Variants in ADAMTS2 observed in about 807,000 individuals in gnomAD.
The protein encoded by ADAMTS2 is A disintegrin and metalloproteinase with thrombospondin motifs 2.
Under a neutral mutation model 123.0 loss-of-function variants are expected in ADAMTS2, and 50 were observed. That is an observed-to-expected ratio of 0.41 (90% CI 0.32 to 0.51). The LOEUF (loss-of-function observed/expected upper bound fraction) is 0.51, where lower values mean the gene tolerates loss of function less well. Among genes scored for constraint, ADAMTS2 ranks in the 20% least tolerant of loss-of-function variants. The pLI, the probability that ADAMTS2 is intolerant of heterozygous loss-of-function variation, is 0.35. For missense variants in ADAMTS2, 1,494 were observed against 1,705.2 expected, an observed-to-expected ratio of 0.88 and a Z score of 2.18; for synonymous variants, 678 against 695.4, an observed-to-expected ratio of 0.98 and a Z score of 0.39.
chr5:179,210,956 C>T (rs990420647), intron 3 of ADAMTS2, among the ~76,000 whole-genome samples: 4 of 152,262 alleles, frequency 2.6e-5, no homozygotes, highest in African/African-American at 4.8e-5. Context: ...CTGGCCCTTG[C>T]AGACCTGTTC....
rs960616401 is a variant in ADAMTS2 at position 179,189,637 on chromosome 5, G to A, written c.892-8482C>T. Reference sequence around the variant, plus strand: ...CTCCCAAAGTGCTGGGATTACAGGCGTGAGCCACCGCGCCCGGCCAGGAGC... The same window carrying A: ...CTCCCAAAGTGCTGGGATTACAGGCATGAGCCACCGCGCCCGGCCAGGAGC... On this transcript the variant is annotated intron_variant, in intron 4 of 21. Coordinates refer to ENST00000251582, the MANE Select transcript of ADAMTS2 (RefSeq NM_014244.5). This position sits in a 1 kb window ranked among gnomAD's most constrained non-coding sequence, Gnocchi z 4.2. Among the ~76,000 whole-genome samples, 14 of 150,360 alleles carry A rather than the reference G, an allele frequency of 9.3e-5. No homozygotes were observed. The highest frequency in any genetic ancestry group is 1.9e-4 in the Non-Finnish European group (13 of 67,752).
intron 9 of ADAMTS2, among the ~76,000 whole-genome samples, 161 bp from the exon 10 acceptor site, chr5:179,152,416 C>G (rs542653447): frequency 6.6e-6 from 1 of 152,186 alleles, no homozygotes; most frequent in Non-Finnish European, 1.5e-5. Flanking sequence ...TGGTGAAGAC[C>G]TTGCCCATAC....
intron 3 of ADAMTS2, among the ~76,000 whole-genome samples, chr5:179,254,347 G>A (rs1765995166): frequency 6.6e-6 from 1 of 152,128 alleles, no homozygotes; most frequent in Non-Finnish European, 1.5e-5. Flanking sequence ...CAAATCCAAA[G>A]ACACAGGGAG....
rs181870380 is a variant in ADAMTS2, at chr5:179,278,819, G to T, written c.535-5755C>A. On this transcript the variant is annotated intron_variant, in intron 2 of 21. Coordinates refer to ENST00000251582, the MANE Select transcript of ADAMTS2 (RefSeq NM_014244.5). ...TCAAGTTGCCGGCATTCAGATCCTG[G>T]TGAGTTACACAACGCCTGCCCTGCC... Among the ~76,000 whole-genome samples the T allele has an allele frequency of 9.1e-4, 138 of 151,944 alleles. 1 individual carries two copies. Among genetic ancestry groups the T allele is most frequent in the Admixed American group, 2.4e-3 (36 of 15,258 alleles).
chr5:179,145,914 G>A (rs1429687242), intron 10 of ADAMTS2, among the ~76,000 whole-genome samples: 1 of 152,174 alleles, frequency 6.6e-6, no homozygotes, highest in Non-Finnish European at 1.5e-5. Flanking sequence ...GCGAAGTGGC[G>A]AGATCTCGGC....
At chr5:179,316,136 G>C (rs1234397901) in intron 2 of ADAMTS2, among the ~76,000 whole-genome samples, 2 of 152,198 alleles carry the variant, frequency 1.3e-5, no homozygotes, top group Non-Finnish European at 2.9e-5. Flanking sequence ...CAGGGAGGCA[G>C]CAGGCAGACA....
At chr5:179,252,070 C>T (rs1765940403) in intron 3 of ADAMTS2, among the ~76,000 whole-genome samples, 1 of 147,340 alleles carries the variant, frequency 6.8e-6, no homozygotes, top group Non-Finnish European at 1.5e-5. Context: ...TGCAGTGGTG[C>T]ACTCTCAGCT....
Position 179,112,826 on chromosome 5 carries a change from C to G in ADAMTS2, c.*1041G>C, listed in dbSNP as rs1168865240. ...AGAGGCTCTCTGGGGAGCCCTGGAG[C>G]CAAGGTGGCCAGGGAAGAATGCAGG... On this transcript the variant is annotated 3_prime_UTR_variant, in exon 22 of 22. Coordinates refer to ENST00000251582, the MANE Select transcript of ADAMTS2 (RefSeq NM_014244.5). 1 of 152,210 alleles carries G rather than the reference C, an allele frequency of 6.6e-6. No homozygotes were observed. Among genetic ancestry groups the G allele is most frequent in the East Asian group, 1.9e-4 (1 of 5,184 alleles). 9.4% of individuals were successfully genotyped at this position (152,210 alleles called of 1,614,324 possible).
At chr5:179,291,890 C>T (rs981031676) in intron 2 of ADAMTS2, among the ~76,000 whole-genome samples, 1 of 149,236 alleles carries the variant, frequency 6.7e-6, no homozygotes, top group African/African-American at 2.5e-5. Flanking sequence ...ACGTGTGCCA[C>T]AACAGCTAGC....
rs200678589 is a variant in ADAMTS2, at chr5:179,256,641, TG to T, written c.688+16269del. 6.5e-3 allele frequency among the ~76,000 whole-genome samples: 985 copies of T among 151,010 alleles called. 13 individuals are homozygous for T. Among genetic ancestry groups the T allele is most frequent in the African/African-American group, 0.021 (850 of 41,112 alleles). On this transcript the variant is annotated intron_variant, in intron 3 of 21. Coordinates refer to ENST00000251582, the MANE Select transcript of ADAMTS2 (RefSeq NM_014244.5). The surrounding 1 kb of genome is among the most constrained non-coding windows in gnomAD (Gnocchi z 4.1). ...ACCAGGCAGGCGGGGCCAGCATGAG[TG>T]GGGGGGCCAGGCACGAATCGGCAGG...
rs2127463854 is a variant in ADAMTS2, at chr5:179,345,218, G to A, written c.111C>T (p.Ala37=). The A allele has an allele frequency of 6.2e-6, 7 of 1,121,976 alleles. No individual in the cohort carries two copies. The highest frequency in any genetic ancestry group is 7.6e-6 in the Non-Finnish European group (7 of 921,038). The allele number at this position is 1,121,976 out of a possible 1,614,324, so 69.5% of individuals were successfully genotyped here. ...GGGGGTCGGCGGCGGCGGCGAGCCTGGCGTTCGCGGGCGGCGGCGGCGGCG... is the reference window on the plus strand; with the variant it reads ...GGGGGTCGGCGGCGGCGGCGAGCCTAGCGTTCGCGGGCGGCGGCGGCGGCG... ...LLPPPPPPAN[A]RLAAAADPPG... Residue 37 remains alanine (A), a synonymous_variant, in exon 1 of 22, where the codon GCC becomes GCT. Coordinates refer to ENST00000251582, the MANE Select transcript of ADAMTS2 (RefSeq NM_014244.5). The surrounding 1 kb of genome is among the most constrained non-coding windows in gnomAD (Gnocchi z 7.5).
At chr5:179,207,921 C>T (rs1581190645) in intron 3 of ADAMTS2, among the ~76,000 whole-genome samples, 2 of 152,292 alleles carry the variant, frequency 1.3e-5, no homozygotes, top group Admixed American at 1.3e-4. Flanking sequence ...CCCAGACAGG[C>T]ACCTCTGTGA....
At chr5:179,232,831 ATTC>A (rs1238602222) in intron 3 of ADAMTS2, among the ~76,000 whole-genome samples, 1 of 151,290 alleles carries the variant, frequency 6.6e-6, no homozygotes, top group Non-Finnish European at 1.5e-5. Flanking sequence ...GTTTGTATAC[ATTC>A]TTCTTCTGTT....
intron 2 of ADAMTS2, among the ~76,000 whole-genome samples, chr5:179,306,803 A>T (rs917577254): frequency 3.9e-5 from 6 of 152,212 alleles, no homozygotes; most frequent in Non-Finnish European, 8.8e-5. Context: ...AGCCAGGCAG[A>T]TGAACTCAAC....
intron 3 of ADAMTS2, among the ~76,000 whole-genome samples, chr5:179,267,497 C>T (rs1766406356): frequency 1.3e-5 from 2 of 152,216 alleles, no homozygotes; most frequent in Non-Finnish European, 2.9e-5. Flanking sequence ...ACTTCTCTTC[C>T]TTCAGCCCAG....
chr5:179,193,229 G>T (rs563012759), intron 4 of ADAMTS2, among the ~76,000 whole-genome samples: 14 of 152,178 alleles, frequency 9.2e-5, no homozygotes, highest in Non-Finnish European at 1.8e-4. Context: ...TGTCCAGGAC[G>T]GGAGCTGGCT....
At chr5:179,148,631 A>G (rs1763296346) in intron 10 of ADAMTS2, among the ~76,000 whole-genome samples, 1 of 151,996 alleles carries the variant, frequency 6.6e-6, no homozygotes, top group African/African-American at 2.4e-5. Context: ...TCCTGTGTCC[A>G]TGCCTGAGCT....
Position 179,128,239 on chromosome 5 carries a change from T to G in ADAMTS2, c.2458-121A>C. On this transcript the variant is annotated intron_variant, in intron 16 of 21. Coordinates refer to ENST00000251582, the MANE Select transcript of ADAMTS2 (RefSeq NM_014244.5). This position sits in a 1 kb window ranked among gnomAD's most constrained non-coding sequence, Gnocchi z 4.9. The stretch of plus-strand genomic sequence containing the variant: ...GTCTCATCATTCATGGCAGTTACAT[T>G]CCATGAAGTCGCCCCGAGCACCAAA... 3.9e-6 allele frequency: 5 copies of G among 1,265,848 alleles called. No homozygotes were observed. The highest frequency in any genetic ancestry group is 5.6e-6 in the Non-Finnish European group (5 of 897,556). The allele number at this position is 1,265,848 out of a possible 1,614,324, so 78.4% of individuals were successfully genotyped here.
chr5:179,269,384 C>T (rs1169705000), intron 3 of ADAMTS2, among the ~76,000 whole-genome samples: 1 of 143,486 alleles, frequency 7.0e-6, no homozygotes, highest in Admixed American at 6.8e-5. Flanking sequence ...ATTGGACTTA[C>T]AGTTCCACAT....
Sources: allele counts gnomAD v4.1 joint callset (sites outside exome capture counted in the v4.1 genomes callset), GRCh38; gene constraint gnomAD v4.1.1; non-coding constraint Gnocchi (gnomAD v3.1); transcripts MANE v1.5; gene names NCBI Gene and HGNC (gene_info 2026-07-23, HGNC 2026-07-21).